Variants in MBD5 observed in about 807,000 individuals in gnomAD.
The protein encoded by MBD5 is methyl-CpG-binding domain protein 5.
Under a neutral mutation model 117.3 loss-of-function variants are expected in MBD5, and 13 were observed. The observed-to-expected ratio is 0.11, with a 90% confidence interval of 0.07 to 0.18. The LOEUF (loss-of-function observed/expected upper bound fraction) is 0.18. Among genes scored for constraint, MBD5 ranks in the 10% least tolerant of loss-of-function variants. The pLI is 1.00. For missense variants in MBD5, 1,879 were observed against 2,093.8 expected, an observed-to-expected ratio of 0.90 and a Z score of 2.00; for synonymous variants, 727 against 766.4, an observed-to-expected ratio of 0.95 and a Z score of 0.85.
At chr2:148,408,638 A>G (rs1357174402) in intron 4 of MBD5, among the ~76,000 whole-genome samples, 3 of 152,168 alleles carry the variant, frequency 2.0e-5, no homozygotes, top group Admixed American at 2.0e-4. Flanking sequence ...TGTTAATGAA[A>G]ATAAAAAATA....
At chr2:148,231,164 T>C (rs1699975359) in intron 2 of MBD5, among the ~76,000 whole-genome samples, 1 of 149,014 alleles carries the variant, frequency 6.7e-6, no homozygotes, top group Non-Finnish European at 1.5e-5. Context: ...GCCTTTCCAG[T>C]TTATTTTGGG....
intron 2 of MBD5, among the ~76,000 whole-genome samples, chr2:148,213,832 C>T (rs1438906789): frequency 1.1e-5 from 1 of 91,194 alleles, no homozygotes; most frequent in African/African-American, 2.8e-5. Context: ...TATATGTCAC[C>T]AACTGTTTTT....
At chr2:148,148,850 A>C (rs1386064603) in intron 1 of MBD5, among the ~76,000 whole-genome samples, 1 of 151,974 alleles carries the variant, frequency 6.6e-6, no homozygotes, top group Non-Finnish European at 1.5e-5. Context: ...TTCTACATTT[A>C]TTTTTCTCTC....
intron 3 of MBD5, among the ~76,000 whole-genome samples, chr2:148,242,527 C>T (rs1700236522): frequency 6.6e-6 from 1 of 152,118 alleles, no homozygotes; most frequent in Admixed American, 6.6e-5. Context: ...AAAGCCAGCC[C>T]ACTGTTAGGT....
chr2:148,266,870 A>G (rs146744668), intron 3 of MBD5, among the ~76,000 whole-genome samples: 12 of 152,288 alleles, frequency 7.9e-5, no homozygotes, highest in African/African-American at 2.6e-4. Flanking sequence ...AATTTCTTCC[A>G]CATTAGTCTG....
At chr2:148,217,700 A>AT (rs1699590344) in intron 2 of MBD5, among the ~76,000 whole-genome samples, 1 of 152,200 alleles carries the variant, frequency 6.6e-6, no homozygotes, top group South Asian at 2.1e-4. Flanking sequence ...TGGGGCGTAC[A>AT]GCTGTGGACT....
chr2:148,315,938 G>A (rs2656319), intron 3 of MBD5, among the ~76,000 whole-genome samples: 41,856 of 152,034 alleles, frequency 0.28, 6,572 homozygotes, highest in Admixed American at 0.37. Flanking sequence ...TGGTTTGATT[G>A]ACTCACAGTT....
At chr2:148,183,487 A>G (rs1357077084) in intron 2 of MBD5, among the ~76,000 whole-genome samples, 2 of 151,152 alleles carry the variant, frequency 1.3e-5, no homozygotes, top group Non-Finnish European at 2.9e-5. Context: ...CCACACTTTG[A>G]ATGTTTTCTG....
In MBD5 at chr2:148,124,235, G is replaced by A. The variant is rs189304186; in HGVS notation, c.-924-54465G>A. ...GCAGAGGTTGCAGTGAGCCAAGATCGCCCACTGCACTCCAGCCTGGGTGAC... is the reference window on the plus strand; with the variant it reads ...GCAGAGGTTGCAGTGAGCCAAGATCACCCACTGCACTCCAGCCTGGGTGAC... On this transcript the variant is annotated intron_variant, in intron 1 of 13. Coordinates refer to ENST00000642680, the MANE Select transcript of MBD5 (RefSeq NM_001378120.1). Among the ~76,000 whole-genome samples the A allele has an allele frequency of 3.5e-3, 530 of 152,108 alleles. 9 individuals are homozygous for A. The highest frequency in any genetic ancestry group is 0.012 in the African/African-American group (514 of 41,504).
chr2:148,372,206 T>G (rs1474951118), intron 4 of MBD5, among the ~76,000 whole-genome samples: 2 of 152,102 alleles, frequency 1.3e-5, no homozygotes, highest in Non-Finnish European at 2.9e-5. Context: ...TCACGTTATC[T>G]AAAGATAAAC....
intron 8 of MBD5, chr2:148,481,886 T>G (rs925301240): frequency 7.2e-5 from 11 of 152,186 alleles, no homozygotes; most frequent in Non-Finnish European, 1.6e-4. Flanking sequence ...ATAAGTGAAA[T>G]TTTATCTTTT....
chr2:148,230,209 T>G (rs1421977455), intron 2 of MBD5, among the ~76,000 whole-genome samples: 2 of 152,254 alleles, frequency 1.3e-5, no homozygotes, highest in Admixed American at 1.3e-4. Flanking sequence ...TAAAAAAATC[T>G]CAGAAGTCTA....
intron 1 of MBD5, among the ~76,000 whole-genome samples, chr2:148,126,171 G>C (rs990090014): frequency 1.3e-5 from 2 of 151,928 alleles, no homozygotes; most frequent in African/African-American, 4.8e-5. Context: ...CGAGGCAGGC[G>C]GATCACCTGA....
chr2:148,063,768 G>C (rs937635634), intron 1 of MBD5, among the ~76,000 whole-genome samples: 1 of 152,000 alleles, frequency 6.6e-6, no homozygotes, highest in South Asian at 2.1e-4. Flanking sequence ...TAATATTGCT[G>C]TTTTCTTATT....
intron 4 of MBD5, among the ~76,000 whole-genome samples, chr2:148,455,024 T>C (rs1185879218): frequency 6.6e-6 from 1 of 152,204 alleles, no homozygotes; most frequent in African/African-American, 2.4e-5. Context: ...TCCTCGCCTA[T>C]TTCTTTAATC....
chr2:148,049,750 C>T (rs541887617), intron 1 of MBD5, among the ~76,000 whole-genome samples: 1 of 152,148 alleles, frequency 6.6e-6, no homozygotes, highest in Non-Finnish European at 1.5e-5. Context: ...CTGGCAACTT[C>T]TAGTCTACTT....
At chr2:148,282,555 A>G (rs1347655756) in intron 3 of MBD5, among the ~76,000 whole-genome samples, 1 of 151,750 alleles carries the variant, frequency 6.6e-6, no homozygotes, top group Non-Finnish European at 1.5e-5. Flanking sequence ...ATGTATATAT[A>G]TAATGTGTGT....
At chr2:148,158,236 A>T (rs1353165435) in intron 1 of MBD5, among the ~76,000 whole-genome samples, 1 of 152,222 alleles carries the variant, frequency 6.6e-6, no homozygotes, top group Admixed American at 6.5e-5. Context: ...TTTTAATGAT[A>T]TGGGGAAGTG....
intron 3 of MBD5, among the ~76,000 whole-genome samples, chr2:148,338,714 C>A (rs1264418512): frequency 6.6e-6 from 1 of 152,154 alleles, no homozygotes; most frequent in African/African-American, 2.4e-5. Context: ...ATCTGAGTCA[C>A]CTCTGAGGAT....
Sources: allele counts gnomAD v4.1 joint callset (sites outside exome capture counted in the v4.1 genomes callset), GRCh38; gene constraint gnomAD v4.1.1; transcripts MANE v1.5; gene names NCBI Gene and HGNC (gene_info 2026-07-23, HGNC 2026-07-21).